Variants in ADAMTS6 observed in about 807,000 individuals in gnomAD.
The protein encoded by ADAMTS6 is A disintegrin and metalloproteinase with thrombospondin motifs 6.
ADAMTS6 carries 23 observed loss-of-function variants against 144.3 expected under a neutral mutation model. The observed-to-expected ratio is 0.16, with a 90% CI of 0.11 to 0.23. The LOEUF (loss-of-function observed/expected upper bound fraction) is 0.23. Among genes scored for constraint, ADAMTS6 ranks in the 10% least tolerant of loss-of-function variants. The pLI, the probability that ADAMTS6 is intolerant of heterozygous loss-of-function variation, is 1.00. For missense variants in ADAMTS6, 999 were observed against 1,379.6 expected, an observed-to-expected ratio of 0.72 and a Z score of 4.37; for synonymous variants, 444 against 457.5, an observed-to-expected ratio of 0.97 and a Z score of 0.38.
intron 7 of ADAMTS6, among the ~76,000 whole-genome samples, chr5:65,442,400 G>T (rs906151459): frequency 3.3e-5 from 5 of 152,144 alleles, no homozygotes; most frequent in Admixed American, 2.0e-4. Flanking sequence ...TTAACTGGTA[G>T]TTTAAAAAAA....
At chr5:65,181,909 G>C (rs1754375821) in intron 22 of ADAMTS6, among the ~76,000 whole-genome samples, 1 of 152,138 alleles carries the variant, frequency 6.6e-6, no homozygotes, top group Non-Finnish European at 1.5e-5. Flanking sequence ...AAAATCATGT[G>C]TATGCATATT....
At chr5:65,446,969 T>A (rs1758316522) in intron 7 of ADAMTS6, among the ~76,000 whole-genome samples, 1 of 152,178 alleles carries the variant, frequency 6.6e-6, no homozygotes, top group African/African-American at 2.4e-5. Flanking sequence ...GTGAATTATA[T>A]CTCAATAAAG....
At chr5:65,410,334 A>G (rs961622681) in intron 7 of ADAMTS6, among the ~76,000 whole-genome samples, 2 of 152,198 alleles carry the variant, frequency 1.3e-5, no homozygotes, top group East Asian at 3.8e-4. Context: ...GCTACTCATA[A>G]CTCAATCAGT....
chr5:65,193,928 A>G (rs1580009699), intron 21 of ADAMTS6, among the ~76,000 whole-genome samples: 1 of 152,208 alleles, frequency 6.6e-6, no homozygotes, highest in Non-Finnish European at 1.5e-5. Flanking sequence ...ATAAAGTGTC[A>G]TAAGTAGTGT....
intron 9 of ADAMTS6, among the ~76,000 whole-genome samples, chr5:65,323,222 C>T (rs954424193): frequency 6.0e-5 from 9 of 150,402 alleles, no homozygotes; most frequent in African/African-American, 2.2e-4. Flanking sequence ...CCCATTAACT[C>T]GTCATTTAGC....
At chr5:65,258,278 G>T (rs1760868566) in intron 14 of ADAMTS6, among the ~76,000 whole-genome samples, 1 of 152,048 alleles carries the variant, frequency 6.6e-6, no homozygotes, top group South Asian at 2.1e-4. Context: ...AGATATTTTG[G>T]GAGAAGAGTA....
intron 7 of ADAMTS6, among the ~76,000 whole-genome samples, chr5:65,345,879 A>G (rs1211559772): frequency 1.3e-5 from 2 of 151,884 alleles, no homozygotes; most frequent in African/African-American, 2.4e-5. Flanking sequence ...ATTCAAATCT[A>G]TCTTATACAG....
intron 7 of ADAMTS6, among the ~76,000 whole-genome samples, chr5:65,372,226 A>T (rs1751021247): frequency 6.9e-6 from 1 of 145,654 alleles, no homozygotes; most frequent in South Asian, 2.1e-4. Context: ...AGCTAACATC[A>T]TAATGACAAG....
intron 7 of ADAMTS6, among the ~76,000 whole-genome samples, chr5:65,397,141 T>C (rs1325274862): frequency 6.6e-6 from 1 of 152,222 alleles, no homozygotes; most frequent in African/African-American, 2.4e-5. Flanking sequence ...TTCATAGCAT[T>C]CCATTATAAC....
At chr5:65,171,041 G>A (rs1310128502) in intron 23 of ADAMTS6, among the ~76,000 whole-genome samples, 5 of 149,128 alleles carry the variant, frequency 3.4e-5, no homozygotes, top group East Asian at 2.0e-4. Flanking sequence ...ACAGAGTCTC[G>A]CTCTGTCGCT....
At chr5:65,267,303 T>A (rs1347012980) in intron 12 of ADAMTS6, among the ~76,000 whole-genome samples, 1 of 152,110 alleles carries the variant, frequency 6.6e-6, no homozygotes, top group Non-Finnish European at 1.5e-5. Flanking sequence ...AACAGTCATG[T>A]TACTTTAGTC....
At chr5:65,315,217 CATGAGGCAATTTAGTGCTA>C (rs1744873176) in intron 9 of ADAMTS6, among the ~76,000 whole-genome samples, 2 of 152,130 alleles carry the variant, frequency 1.3e-5, no homozygotes, top group East Asian at 3.9e-4. Context: ...CTACATTACA[CATGAGGCAATTTAGTGCTA>C]TTTGAAGGCA....
intron 9 of ADAMTS6, among the ~76,000 whole-genome samples, chr5:65,307,026 T>C (rs1484548596): frequency 1.3e-5 from 2 of 152,220 alleles, no homozygotes; most frequent in African/African-American, 2.4e-5. Flanking sequence ...TTTAATGTGG[T>C]TGAACTGGTT....
At chr5:65,203,135 A>G (rs1755848613) in intron 20 of ADAMTS6, among the ~76,000 whole-genome samples, 1 of 152,202 alleles carries the variant, frequency 6.6e-6, no homozygotes, top group South Asian at 2.1e-4. Flanking sequence ...TGCGAGGTAC[A>G]TGTCAAAGGG....
chr5:65,378,531 C>T (rs1751755659), intron 7 of ADAMTS6, among the ~76,000 whole-genome samples: 1 of 152,158 alleles, frequency 6.6e-6, no homozygotes, highest in Non-Finnish European at 1.5e-5. Flanking sequence ...CGTGAAATTA[C>T]ATAATTCTCT....
intron 7 of ADAMTS6, among the ~76,000 whole-genome samples, chr5:65,444,886 T>C (rs1712149634): frequency 6.6e-6 from 1 of 152,226 alleles, no homozygotes; most frequent in Admixed American, 6.5e-5. Flanking sequence ...CCAATCAATT[T>C]ACTTTCCTGT....
At chr5:65,324,720 A>G (rs912045424) in intron 9 of ADAMTS6, among the ~76,000 whole-genome samples, 2 of 152,072 alleles carry the variant, frequency 1.3e-5, no homozygotes, top group African/African-American at 4.8e-5. Flanking sequence ...TAAAGTGGGA[A>G]AAGGATTTGA....
chr5:65,390,910 A>G (rs867112431), intron 7 of ADAMTS6, among the ~76,000 whole-genome samples: 5 of 150,938 alleles, frequency 3.3e-5, no homozygotes, highest in African/African-American at 1.2e-4. Context: ...TTATTAAATT[A>G]TGAAACTGTG....
chr5:65,237,691 C>T (rs191669059), intron 15 of ADAMTS6, among the ~76,000 whole-genome samples: 1 of 152,172 alleles, frequency 6.6e-6, no homozygotes, highest in Non-Finnish European at 1.5e-5. Context: ...CAAATTTAAA[C>T]ACAGATGCAA....
Sources: allele counts gnomAD v4.1 joint callset (sites outside exome capture counted in the v4.1 genomes callset), GRCh38; gene constraint gnomAD v4.1.1; transcripts MANE v1.5; gene names NCBI Gene and HGNC (gene_info 2026-07-23, HGNC 2026-07-21).